The following NOS1 variants were observed in gnomAD, a reference collection of about 807,000 sequenced individuals.
NOS1 encodes the protein nitric oxide synthase 1.
NOS1 carries 51 observed loss-of-function variants against 164.5 expected under a neutral mutation model. The ratio of observed to expected loss-of-function variants is 0.31; its 90% CI spans 0.25 to 0.39. The LOEUF (loss-of-function observed/expected upper bound fraction) is 0.39, where lower values mean the gene tolerates loss of function less well. Ranked by LOEUF, NOS1 falls within the 10% of genes least tolerant of loss-of-function variation. The pLI is 1.00. For missense variants in NOS1, 1,362 were observed against 1,885.6 expected (o/e 0.72, Z 5.14); for synonymous variants, 719 against 745.8 (o/e 0.96, Z 0.59).
chr12:117,331,115 A>T lies in NOS1; in HGVS notation c.-46T>A. On this transcript the variant is annotated 5_prime_UTR_variant, in exon 2 of 29. Transcript: ENST00000317775. ...TCCTGTCTGAAGACCTCACAATGCT[A>T]TCAGGCCAAGATGATTTCACCAGGA... The T allele has an allele frequency of 6.4e-7, 1 of 1,566,886 alleles. No homozygotes were observed. The highest frequency in any genetic ancestry group is 8.7e-7 in the Non-Finnish European group (1 of 1,153,944).
intron 9 of NOS1, among the ~76,000 whole-genome samples, chr12:117,274,197 CA>C (rs1246930770): frequency 6.6e-6 from 1 of 152,124 alleles, no homozygotes; most frequent in Non-Finnish European, 1.5e-5. Context: ...AGATAACCAA[CA>C]AATACAGGAA....
chr12:117,252,405 C>T (rs1871168872), intron 17 of NOS1, among the ~76,000 whole-genome samples: 1 of 152,134 alleles, frequency 6.6e-6, no homozygotes, highest in African/African-American at 2.4e-5. Flanking sequence ...TGTTAGTTTG[C>T]CAGCTCCTGC....
chr12:117,279,101 G>A (rs188390274), intron 8 of NOS1, among the ~76,000 whole-genome samples: 152 of 151,998 alleles, frequency 1.0e-3, no homozygotes, highest in Middle Eastern at 6.8e-3. Context: ...TCAATGGGCC[G>A]GGCGCGGTGG....
intron 9 of NOS1, among the ~76,000 whole-genome samples, chr12:117,273,001 C>G (rs1412197579): frequency 1.3e-5 from 2 of 152,138 alleles, no homozygotes; most frequent in East Asian, 3.9e-4. Flanking sequence ...CAGTCTCGCT[C>G]TGTCATGCAG....
chr12:117,333,026 C>A (rs1875622419), intron 1 of NOS1, among the ~76,000 whole-genome samples: 1 of 152,332 alleles, frequency 6.6e-6, no homozygotes, highest in South Asian at 2.1e-4. Flanking sequence ...GCTGGAGATG[C>A]TGTGGCCCAG....
At chr12:117,258,729 T>C (rs1093330) in intron 15 of NOS1, among the ~76,000 whole-genome samples, 83,592 of 152,012 alleles carry the variant, frequency 0.55, 25,474 homozygotes, top group African/African-American at 0.81. Flanking sequence ...ATTGTCCCCA[T>C]GTTCCTCATC....
chr12:117,246,442 A>G (rs1870620593), intron 18 of NOS1, among the ~76,000 whole-genome samples: 1 of 152,154 alleles, frequency 6.6e-6, no homozygotes, highest in Non-Finnish European at 1.5e-5. Flanking sequence ...AGCCTTATTT[A>G]ATTTTGTACT....
chr12:117,352,003 A>G (rs1876641121), intron 1 of NOS1, among the ~76,000 whole-genome samples: 1 of 152,100 alleles, frequency 6.6e-6, no homozygotes, highest in Admixed American at 6.6e-5. Context: ...CAACATGGTG[A>G]GACCCCGTCG....
At position 117,209,623 on chromosome 12, in the gene NOS1, A is replaced by G; in HGVS notation, c.*5686T>C. The G allele has an allele frequency of 1.0e-6, 1 of 985,510 alleles. No individual in the cohort carries two copies. Among genetic ancestry groups the G allele is most frequent in the Non-Finnish European group, 1.2e-6 (1 of 829,952 alleles). The allele number at this position is 985,510 out of a possible 1,614,324, so 61.0% of individuals were successfully genotyped here. A position where few individuals can be genotyped will look rare whatever the true frequency, so the allele number is the denominator to read the frequency against. ...GTATTTTAGAACAAAACAAACTCAT[A>G]TAAACATACTAAGGCATATTGACAG... On this transcript the variant is annotated 3_prime_UTR_variant, in exon 29 of 29. Coordinates refer to ENST00000317775, the MANE Select transcript of NOS1 (RefSeq NM_000620.5).
intron 2 of NOS1, among the ~76,000 whole-genome samples, chr12:117,320,480 CA>C (rs1370253796): frequency 6.6e-6 from 1 of 152,100 alleles, no homozygotes; most frequent in Non-Finnish European, 1.5e-5. Context: ...CAAGAGCCTC[CA>C]GGAAAGAAGA....
intron 20 of NOS1, among the ~76,000 whole-genome samples, chr12:117,236,180 T>C (rs566922850): frequency 5.3e-5 from 8 of 152,318 alleles, no homozygotes; most frequent in South Asian, 2.1e-4. Flanking sequence ...TGAGCTACGA[T>C]TGCTTTTTCA....
intron 3 of NOS1, among the ~76,000 whole-genome samples, chr12:117,293,799 T>C (rs147667903): frequency 8.5e-5 from 13 of 152,156 alleles, no homozygotes; most frequent in Non-Finnish European, 1.8e-4. Flanking sequence ...GGGAGCATGA[T>C]AAAGGTTTGG....
At chr12:117,297,633 C>T (rs7312437) in intron 3 of NOS1, among the ~76,000 whole-genome samples, 18,941 of 151,964 alleles carry the variant, frequency 0.12, 1,325 homozygotes, top group Admixed American at 0.2. Flanking sequence ...CTCAGGTATC[C>T]GCCTGCCTTG....
At chr12:117,316,268 C>T (rs543096160) in intron 2 of NOS1, among the ~76,000 whole-genome samples, 4 of 152,160 alleles carry the variant, frequency 2.6e-5, no homozygotes, top group Admixed American at 2.6e-4. Flanking sequence ...GGGAAGTCTA[C>T]ACTCAGATAC....
intron 18 of NOS1, among the ~76,000 whole-genome samples, chr12:117,246,697 T>C (rs559231003): frequency 6.6e-6 from 1 of 152,212 alleles, no homozygotes; most frequent in Non-Finnish European, 1.5e-5. Context: ...TTTCTGATTC[T>C]GGACATTTTA....
intron 13 of NOS1, 27 bp downstream of exon 13, chr12:117,263,862 C>A (rs765630234): frequency 6.3e-7 from 1 of 1,585,036 alleles, no homozygotes; most frequent in Non-Finnish European, 8.7e-7. Context: ...GGACATCCAC[C>A]CCACCCGCCC....
intron 1 of NOS1, among the ~76,000 whole-genome samples, chr12:117,337,469 C>T (rs187196904): frequency 6.6e-5 from 10 of 152,224 alleles, no homozygotes; most frequent in Non-Finnish European, 1.5e-4. Flanking sequence ...ACACACATGG[C>T]TTGCATTATA....
intron 9 of NOS1, among the ~76,000 whole-genome samples, chr12:117,276,604 C>T (rs996745108): frequency 3.3e-5 from 5 of 151,970 alleles, no homozygotes; most frequent in East Asian, 1.9e-4. Context: ...ACCTCTTAAC[C>T]GCCCCCATCT....
Position 117,272,932 on chromosome 12 carries a change from G to T in NOS1, c.1665-373C>A, listed in dbSNP as rs967505317. 3.3e-5 allele frequency among the ~76,000 whole-genome samples: 5 copies of T among 152,188 alleles called. No individual in the cohort carries two copies. Among genetic ancestry groups the T allele is most frequent in the African/African-American group, 1.2e-4 (5 of 41,446 alleles). On this transcript the variant is annotated intron_variant, in intron 9 of 28. Coordinates refer to ENST00000317775, the MANE Select transcript of NOS1 (RefSeq NM_000620.5). The surrounding 1 kb of genome is among the most constrained non-coding windows in gnomAD (Gnocchi z 4.3). The stretch of plus-strand genomic sequence containing the variant: ...TTTGCACAGGCAGCCAAACTTCAGA[G>T]CCAAACTCTGTCACCCAAACTTCTT...
Sources: allele counts gnomAD v4.1 joint callset (sites outside exome capture counted in the v4.1 genomes callset), GRCh38; gene constraint gnomAD v4.1.1; non-coding constraint Gnocchi (gnomAD v3.1); transcripts MANE v1.5; gene names NCBI Gene and HGNC (gene_info 2026-07-23, HGNC 2026-07-21).